CCDC91: variants seen among roughly 807,000 people sequenced by gnomAD.
The protein encoded by CCDC91 is coiled-coil domain containing 91, also known as coiled-coil domain-containing protein 91.
Under a neutral mutation model 63.2 loss-of-function variants are expected in CCDC91, and 48 were observed. That is an observed-to-expected ratio of 0.76 (90% CI 0.60 to 0.97). The LOEUF (loss-of-function observed/expected upper bound fraction) is 0.97. Among genes scored for constraint, CCDC91 ranks in the 50% least tolerant of loss-of-function variants. The pLI is 0.00. For missense variants in CCDC91, 500 were observed against 494.6 expected (o/e 1.01, Z -0.10); for synonymous variants, 167 against 165.8 (o/e 1.01, Z -0.06).
chr12:28,471,348 A>G (rs1950803653), intron 11 of CCDC91, among the ~76,000 whole-genome samples: 3 of 152,192 alleles, frequency 2.0e-5, no homozygotes, highest in Non-Finnish European at 4.4e-5. Flanking sequence ...CAATAAAGAC[A>G]TTTTACAGAG....
intron 8 of CCDC91, among the ~76,000 whole-genome samples, chr12:28,413,821 G>A (rs1293600368): frequency 6.6e-6 from 1 of 152,188 alleles, no homozygotes; most frequent in Non-Finnish European, 1.5e-5. Context: ...AAATTCAATA[G>A]TTTAACTTTT....
intron 8 of CCDC91, among the ~76,000 whole-genome samples, chr12:28,437,856 A>T (rs573669377): frequency 1.2e-4 from 18 of 152,178 alleles, no homozygotes; most frequent in Non-Finnish European, 2.2e-4. Context: ...TGTCTGGTAG[A>T]TTCTCACTCT....
intron 8 of CCDC91, among the ~76,000 whole-genome samples, chr12:28,435,854 A>G (rs985741360): frequency 6.6e-6 from 1 of 151,730 alleles, no homozygotes; most frequent in Non-Finnish European, 1.5e-5. Flanking sequence ...ATCATTATGT[A>G]ATGTTCCTTT....
rs1592948991 is a variant in CCDC91, at chr12:28,523,345, T to G, written c.1216-25718T>G. 2.6e-5 allele frequency among the ~76,000 whole-genome samples: 4 copies of G among 152,296 alleles called. No individual in the cohort carries two copies. In the East Asian group the frequency reaches 7.7e-4, roughly 29 times the overall value. On this transcript the variant is annotated intron_variant, in intron 12 of 12. Coordinates refer to ENST00000536442, the MANE Select transcript of CCDC91 (RefSeq NM_018318.5). ...ATTATGTAATGGCCTTCTTTGTCTCTTTTGATCTCTGTTGGTTTAAAGTCT... is the reference window on the plus strand; with the variant it reads ...ATTATGTAATGGCCTTCTTTGTCTCGTTTGATCTCTGTTGGTTTAAAGTCT...
At chr12:28,392,293 G>A (rs369569831) in intron 8 of CCDC91, among the ~76,000 whole-genome samples, 2 of 152,202 alleles carry the variant, frequency 1.3e-5, no homozygotes, top group African/African-American at 2.4e-5. Context: ...TATATTAGCC[G>A]GAATGGACTT....
chr12:28,403,601 C>A (rs1946764278), intron 8 of CCDC91, among the ~76,000 whole-genome samples: 1 of 152,042 alleles, frequency 6.6e-6, no homozygotes, highest in Non-Finnish European at 1.5e-5. Context: ...CCAAATGCCC[C>A]CCCTCCTAAT....
At chr12:28,533,024 A>G (rs1008404116) in intron 12 of CCDC91, among the ~76,000 whole-genome samples, 6 of 152,116 alleles carry the variant, frequency 3.9e-5, no homozygotes, top group African/African-American at 1.2e-4. Context: ...GAAAACCTTT[A>G]TTAAACACCT....
chr12:28,409,103 C>T (rs1009414781), intron 8 of CCDC91, among the ~76,000 whole-genome samples: 9 of 152,090 alleles, frequency 5.9e-5, no homozygotes, highest in African/African-American at 2.2e-4. Flanking sequence ...TCTTATTGCA[C>T]TTGCCAAACT....
intron 6 of CCDC91, among the ~76,000 whole-genome samples, chr12:28,309,600 C>T (rs1469140875): frequency 6.6e-6 from 1 of 151,976 alleles, no homozygotes; most frequent in Non-Finnish European, 1.5e-5. Flanking sequence ...TGTTAAATTT[C>T]CTATATAAAT....
At chr12:28,502,427 A>G (rs1459714724) in intron 12 of CCDC91, among the ~76,000 whole-genome samples, 1 of 151,858 alleles carries the variant, frequency 6.6e-6, no homozygotes, top group Non-Finnish European at 1.5e-5. Context: ...TCAATGAAAT[A>G]AAAGAGGATA....
At chr12:28,327,678 A>G (rs1278643224) in intron 6 of CCDC91, among the ~76,000 whole-genome samples, 1 of 152,092 alleles carries the variant, frequency 6.6e-6, no homozygotes, top group Non-Finnish European at 1.5e-5. Flanking sequence ...GTGTGTCCAC[A>G]TCCTTGATTC....
chr12:28,347,143 G>A (rs1942867365), intron 6 of CCDC91, among the ~76,000 whole-genome samples: 1 of 152,000 alleles, frequency 6.6e-6, no homozygotes, highest in Non-Finnish European at 1.5e-5. Flanking sequence ...ATATTGTTTG[G>A]GGGTCTCCCA....
At chr12:28,328,110 T>A (rs1214512034) in intron 6 of CCDC91, among the ~76,000 whole-genome samples, 1 of 152,208 alleles carries the variant, frequency 6.6e-6, no homozygotes, top group Admixed American at 6.6e-5. Flanking sequence ...GATGTTTGTA[T>A]GGCTGTCAAC....
intron 1 of CCDC91, among the ~76,000 whole-genome samples, chr12:28,238,390 A>G (rs1945108835): frequency 6.6e-6 from 1 of 151,760 alleles, no homozygotes; most frequent in Admixed American, 6.6e-5. Flanking sequence ...GAAAAGAAAG[A>G]GAAAGAGAGA....
At chr12:28,282,895 T>G (rs1323270662) in intron 3 of CCDC91, among the ~76,000 whole-genome samples, 1 of 152,080 alleles carries the variant, frequency 6.6e-6, no homozygotes, top group South Asian at 2.1e-4. Context: ...TGGTGAGAGA[T>G]AGCGATCCCG....
At chr12:28,511,371 C>A (rs1308956603) in intron 12 of CCDC91, among the ~76,000 whole-genome samples, 2 of 151,854 alleles carry the variant, frequency 1.3e-5, no homozygotes, top group Non-Finnish European at 2.9e-5. Flanking sequence ...TCAGAAAAGC[C>A]ATTTATGGCC....
intron 12 of CCDC91, among the ~76,000 whole-genome samples, chr12:28,501,178 C>T (rs1279661439): frequency 1.3e-5 from 2 of 151,914 alleles, no homozygotes. Context: ...TTCCTCTTTT[C>T]CTAATTGAAT....
At chr12:28,531,622 A>G (rs1336018609) in intron 12 of CCDC91, among the ~76,000 whole-genome samples, 1 of 152,182 alleles carries the variant, frequency 6.6e-6, no homozygotes, top group East Asian at 1.9e-4. Flanking sequence ...ATTTGCACAC[A>G]TTATTTTTGA....
intron 12 of CCDC91, among the ~76,000 whole-genome samples, chr12:28,526,807 T>G (rs1262065498): frequency 6.6e-6 from 1 of 152,022 alleles, no homozygotes; most frequent in Admixed American, 6.6e-5. Context: ...ATTTTCTTAT[T>G]CTTTTTTCTT....
Sources: gnomAD v4.1 joint callset for allele counts (sites outside exome capture counted in the v4.1 genomes callset) on GRCh38, gnomAD v4.1.1 for gene constraint, MANE v1.5 for transcripts, NCBI Gene and HGNC (gene_info 2026-07-23, HGNC 2026-07-21) for gene names.